The following SLC24A2 variants were observed in gnomAD, a reference collection of about 807,000 sequenced individuals.
The protein encoded by SLC24A2 is solute carrier family 24 member 2, also known as sodium/potassium/calcium exchanger 2.
A neutral mutation model predicts 62.0 loss-of-function variants in SLC24A2; 36 were observed. The ratio of observed to expected loss-of-function variants is 0.58; its 90% CI spans 0.44 to 0.77. The LOEUF (loss-of-function observed/expected upper bound fraction) is 0.77. SLC24A2 is among the 30% of genes least tolerant of loss of function. SLC24A2 has a pLI of 0.00. For synonymous variants in SLC24A2, 358 were observed against 294.0 expected, an observed-to-expected ratio of 1.22 and a Z score of -2.23; for missense variants, 846 against 817.9, an observed-to-expected ratio of 1.03 and a Z score of -0.42.
chr9:19,742,040 C>T (rs554850645), intron 2 of SLC24A2, among the ~76,000 whole-genome samples: 69 of 152,300 alleles, frequency 4.5e-4, no homozygotes, highest in African/African-American at 1.5e-3. Flanking sequence ...CAGGTTCACA[C>T]TATTTCTTTT....
chr9:19,611,156 C>T (rs1837149195), intron 4 of SLC24A2, among the ~76,000 whole-genome samples: 1 of 151,902 alleles, frequency 6.6e-6, no homozygotes, highest in South Asian at 2.1e-4. Flanking sequence ...GACCAGGAGC[C>T]AACTGGATAT....
chr9:19,961,274 G>A, the SLC24A2 span, among the ~76,000 whole-genome samples: 1 of 151,856 alleles, frequency 6.6e-6, no homozygotes, highest in Admixed American at 6.6e-5. Flanking sequence ...TTACTCACTG[G>A]TATCTTCAAG....
At chr9:20,189,900 G>A in the SLC24A2 span, among the ~76,000 whole-genome samples, 1 of 152,184 alleles carries the variant, frequency 6.6e-6, no homozygotes, top group South Asian at 2.1e-4. Flanking sequence ...TTACCTGCCT[G>A]GAGCAGCATT....
the SLC24A2 span, among the ~76,000 whole-genome samples, chr9:19,876,524 A>G: frequency 1.3e-5 from 2 of 152,036 alleles, no homozygotes; most frequent in Admixed American, 1.3e-4. Flanking sequence ...TCAGCAGCAA[A>G]TTGTGTAGTT....
rs113669513 is a variant in SLC24A2, at chr9:19,608,704, A to G, written c.1078+10880T>C. ...ACAGAGTGGGTACTACAAAAGTTCC[A>G]CTTTCTTGTTTTCCTTCTCTACCAT... is the stretch of plus-strand genomic sequence containing the variant. On this transcript the variant is annotated intron_variant, in intron 4 of 10. Transcript: ENST00000341998. Among the ~76,000 whole-genome samples, 649 of 151,914 alleles carry G rather than the reference A, an allele frequency of 4.3e-3. 2 individuals are homozygous for G. Among genetic ancestry groups the G allele is most frequent in the African/African-American group, 0.014 (588 of 41,410 alleles).
At chr9:20,251,003 G>T in the SLC24A2 span, among the ~76,000 whole-genome samples, 1 of 152,128 alleles carries the variant, frequency 6.6e-6, no homozygotes, top group African/African-American at 2.4e-5. Flanking sequence ...TAGGCAAGGC[G>T]CCAGCTGGCT....
chr9:20,266,384 G>A, the SLC24A2 span, among the ~76,000 whole-genome samples: 3 of 152,140 alleles, frequency 2.0e-5, no homozygotes, highest in Non-Finnish European at 4.4e-5. Context: ...CTACATGACT[G>A]TCGGGGGCAG....
intron 2 of SLC24A2, among the ~76,000 whole-genome samples, chr9:19,657,575 T>G (rs1818977562): frequency 6.6e-6 from 1 of 151,884 alleles, no homozygotes; most frequent in Admixed American, 6.6e-5. Context: ...CTTTGAACAG[T>G]TATACTTGTT....
chr9:19,795,861 G>A, the SLC24A2 span, among the ~76,000 whole-genome samples: 3 of 151,862 alleles, frequency 2.0e-5, no homozygotes, highest in Non-Finnish European at 4.4e-5. Flanking sequence ...CAAAGACTTG[G>A]AACCAACCCA....
Position 19,597,431 on chromosome 9 carries a change from G to T in SLC24A2, c.1079-152C>A. ...GAGATGTGCAAACATGGGCCATGTG[G>T]CAGACAGCTTTCACGGCCCATTTTC... On this transcript the variant is annotated intron_variant, in intron 4 of 10. Transcript: ENST00000341998. 4.4e-6 allele frequency: 3 copies of T among 682,146 alleles called. No homozygotes were observed. The South Asian group carries it at 4.9e-5, about 11-fold the overall frequency. The allele number at this position is 682,146 out of a possible 1,614,324, so 42.3% of individuals were successfully genotyped here.
the SLC24A2 span, among the ~76,000 whole-genome samples, chr9:20,182,856 C>T: frequency 6.6e-6 from 1 of 152,146 alleles, no homozygotes. Flanking sequence ...AATAAAACTT[C>T]ATGATAAGAA....
At chr9:20,161,591 A>G in the SLC24A2 span, among the ~76,000 whole-genome samples, 5 of 151,434 alleles carry the variant, frequency 3.3e-5, no homozygotes, top group Admixed American at 2.6e-4. Context: ...TATTAATATA[A>G]TTCCCTATAA....
the SLC24A2 span, among the ~76,000 whole-genome samples, chr9:19,961,359 C>T: frequency 1.3e-5 from 2 of 152,150 alleles, no homozygotes; most frequent in African/African-American, 2.4e-5. Flanking sequence ...ACTGGATTCC[C>T]TCTCTTTGTT....
upstream of SLC24A2, among the ~76,000 whole-genome samples, chr9:19,790,331 T>G (rs935503753): frequency 1.3e-5 from 2 of 152,202 alleles, no homozygotes; most frequent in Admixed American, 1.3e-4. Context: ...TGAACAATTA[T>G]GAACTCATGG....
chr9:19,758,622 CT>C (rs1467075404), intron 2 of SLC24A2, among the ~76,000 whole-genome samples: 1 of 152,086 alleles, frequency 6.6e-6, no homozygotes, highest in Admixed American at 6.6e-5. Flanking sequence ...AGGTTTCCTT[CT>C]TTTGAAAGAA....
At chr9:19,848,092 T>C in the SLC24A2 span, among the ~76,000 whole-genome samples, 12 of 152,228 alleles carry the variant, frequency 7.9e-5, no homozygotes, top group African/African-American at 2.4e-4. Flanking sequence ...TCTTGCCTTA[T>C]TATTTTAACT....
At chr9:20,084,110 A>T in the SLC24A2 span, among the ~76,000 whole-genome samples, 5 of 152,348 alleles carry the variant, frequency 3.3e-5, no homozygotes. Context: ...GATTTACAAA[A>T]AGCATCATTT....
the SLC24A2 span, among the ~76,000 whole-genome samples, chr9:20,286,933 TA>T: frequency 6.6e-6 from 1 of 152,168 alleles, no homozygotes; most frequent in Admixed American, 6.5e-5. Context: ...ATGTTATGAT[TA>T]TAAGGATGTA....
the SLC24A2 span, among the ~76,000 whole-genome samples, chr9:20,209,685 G>A: frequency 6.6e-6 from 1 of 152,082 alleles, no homozygotes; most frequent in African/African-American, 2.4e-5. Flanking sequence ...CCCTAAGACT[G>A]GGTAAAGCAT....
Sources: allele counts gnomAD v4.1 joint callset (sites outside exome capture counted in the v4.1 genomes callset), GRCh38; gene constraint gnomAD v4.1.1; transcripts MANE v1.5; gene names NCBI Gene and HGNC (gene_info 2026-07-23, HGNC 2026-07-21).